CNTN1: variants seen among roughly 807,000 people sequenced by gnomAD.
CNTN1 encodes contactin 1.
In CNTN1, 38 loss-of-function variants were observed where a neutral mutation model predicts 126.4. The observed-to-expected ratio is 0.30, with a 90% confidence interval of 0.23 to 0.39. The LOEUF (loss-of-function observed/expected upper bound fraction) is 0.39, where lower values mean the gene tolerates loss of function less well. Among genes scored for constraint, CNTN1 ranks in the 10% least tolerant of loss-of-function variants. The pLI is 1.00. For missense variants in CNTN1, 1,009 were observed against 1,248.4 expected (o/e 0.81, Z 2.89); for synonymous variants, 413 against 422.6 (o/e 0.98, Z 0.28).
At chr12:41,042,740 C>T (rs1389597640) in intron 23 of CNTN1, among the ~76,000 whole-genome samples, 2 of 152,174 alleles carry the variant, frequency 1.3e-5, no homozygotes, top group African/African-American at 2.4e-5. Flanking sequence ...CACTACCTGA[C>T]TTCAAACTAT....
chr12:40,933,101 CCTT>C (rs1437839026), intron 7 of CNTN1, among the ~76,000 whole-genome samples: 1 of 151,690 alleles, frequency 6.6e-6, no homozygotes, highest in Non-Finnish European at 1.5e-5. Context: ...ACTCTCTTCT[CCTT>C]CTTCTCTTTC....
chr12:40,996,385 G>T (rs951485392), intron 17 of CNTN1, among the ~76,000 whole-genome samples: 4 of 152,036 alleles, frequency 2.6e-5, no homozygotes, highest in African/African-American at 9.7e-5. Flanking sequence ...ACCCACCTTG[G>T]CCTCCCAAAG....
At chr12:41,010,334 G>T (rs1175356407) in intron 17 of CNTN1, among the ~76,000 whole-genome samples, 1 of 152,184 alleles carries the variant, frequency 6.6e-6, no homozygotes, top group Non-Finnish European at 1.5e-5. Context: ...ACAAGGTTAA[G>T]GTGGTTTTTT....
intron 15 of CNTN1, among the ~76,000 whole-genome samples, chr12:40,963,474 AT>A (rs1195927802): frequency 6.6e-6 from 1 of 152,026 alleles, no homozygotes; most frequent in Non-Finnish European, 1.5e-5. Context: ...ACCTGAAGGA[AT>A]TTAGAACTTA....
intron 1 of CNTN1, among the ~76,000 whole-genome samples, chr12:40,709,590 T>G (rs1056357141): frequency 1.3e-5 from 2 of 152,218 alleles, no homozygotes; most frequent in Admixed American, 1.3e-4. Context: ...TAAGGCTGTT[T>G]CGTTTACGTT....
chr12:40,998,255 TA>T (rs764099268), intron 17 of CNTN1, among the ~76,000 whole-genome samples: 2 of 152,214 alleles, frequency 1.3e-5, no homozygotes, highest in Non-Finnish European at 2.9e-5. Flanking sequence ...AAATAGTCTG[TA>T]ACTGGTTTGG....
chr12:41,038,724 C>T (rs1279562907), intron 23 of CNTN1, among the ~76,000 whole-genome samples: 4 of 151,980 alleles, frequency 2.6e-5, no homozygotes, highest in Admixed American at 2.0e-4. Flanking sequence ...ATAGAACTCA[C>T]ATTTTAAAGC....
chr12:40,695,014 C>T (rs1591980521), intron 1 of CNTN1, among the ~76,000 whole-genome samples: 1 of 152,178 alleles, frequency 6.6e-6, no homozygotes, highest in Admixed American at 6.5e-5. Context: ...GATCACTCCT[C>T]TTCAGAATCT....
At chr12:40,733,447 C>T (rs961563995) in intron 1 of CNTN1, among the ~76,000 whole-genome samples, 15 of 151,694 alleles carry the variant, frequency 9.9e-5, no homozygotes, top group African/African-American at 3.6e-4. Context: ...TACTATCAAG[C>T]TATTATTCTC....
Position 41,039,905 on chromosome 12 carries a change from G to A in CNTN1, c.2980+10686G>A, listed in dbSNP as rs1949358969. ...AATATTAGAATATTTTCAGCTGTTA[G>A]TAACAAACTCTCAACTCAACTCTCA... On this transcript the variant is annotated intron_variant, in intron 23 of 23. Transcript: ENST00000551295. Among the ~76,000 whole-genome samples the A allele has an allele frequency of 2.0e-5, 3 of 152,088 alleles. No individual in the cohort carries two copies. In the South Asian group the frequency reaches 6.2e-4, roughly 32 times the overall value.
chr12:40,797,036 T>C (rs573722377), intron 1 of CNTN1, among the ~76,000 whole-genome samples: 27 of 152,200 alleles, frequency 1.8e-4, no homozygotes, highest in African/African-American at 5.8e-4. Flanking sequence ...CAATTCCCCA[T>C]CTTATTAGCA....
At chr12:41,002,554 C>CT (rs200237008) in intron 17 of CNTN1, among the ~76,000 whole-genome samples, 13,475 of 131,070 alleles carry the variant, frequency 0.1, 1,057 homozygotes, top group African/African-American at 0.19. Context: ...TATAGGGTTT[C>CT]TTTCTTTTTT....
intron 16 of CNTN1, among the ~76,000 whole-genome samples, chr12:40,985,413 T>TCA (rs949981796): frequency 2.6e-5 from 4 of 152,136 alleles, no homozygotes; most frequent in African/African-American, 4.8e-5. Flanking sequence ...GTTGTTGGAC[T>TCA]CAAAGGTTTT....
chr12:40,749,796 A>AC (rs1166425751), intron 1 of CNTN1, among the ~76,000 whole-genome samples: 28 of 96,648 alleles, frequency 2.9e-4, no homozygotes, highest in South Asian at 6.5e-4. Flanking sequence ...TGTCGTGGCA[A>AC]TAGGTGTTGT....
intron 15 of CNTN1, chr12:40,971,954 A>C (rs1222555594): frequency 9.9e-7 from 1 of 1,014,580 alleles, no homozygotes; most frequent in East Asian, 1.1e-4. Context: ...CATCATAATT[A>C]GGACATAAGC....
intron 1 of CNTN1, among the ~76,000 whole-genome samples, chr12:40,836,066 G>C (rs1031492853): frequency 6.7e-6 from 1 of 149,048 alleles, no homozygotes; most frequent in Non-Finnish European, 1.5e-5. Context: ...ATGTATACAG[G>C]TGTATATATA....
chr12:40,950,938 C>T (rs1946651955), intron 14 of CNTN1, among the ~76,000 whole-genome samples: 1 of 151,308 alleles, frequency 6.6e-6, no homozygotes, highest in African/African-American at 2.4e-5. Context: ...TATAAGAATG[C>T]CAGGTGAATG....
At chr12:40,813,375 T>C (rs1227700831) in intron 1 of CNTN1, among the ~76,000 whole-genome samples, 1 of 151,916 alleles carries the variant, frequency 6.6e-6, no homozygotes, top group Admixed American at 6.6e-5. Context: ...CCAGGGTATG[T>C]GTTGTTCCCC....
chr12:40,749,711 G>A (rs1486648107), intron 1 of CNTN1, among the ~76,000 whole-genome samples: 1 of 104,780 alleles, frequency 9.5e-6, no homozygotes, highest in East Asian at 2.5e-4. Flanking sequence ...ATGGATAATA[G>A]AAAATAAAGT....
Sources: gnomAD v4.1 joint callset for allele counts (sites outside exome capture counted in the v4.1 genomes callset) on GRCh38, gnomAD v4.1.1 for gene constraint, MANE v1.5 for transcripts, NCBI Gene and HGNC (gene_info 2026-07-23, HGNC 2026-07-21) for gene names.